Variants in C8orf88 observed in about 807,000 individuals in gnomAD.
C8orf88 encodes the protein uncharacterized protein C8orf88.
A neutral mutation model predicts 18.4 loss-of-function variants in C8orf88; 14 were observed. The observed-to-expected ratio is 0.76, with a 90% CI of 0.50 to 1.19. The LOEUF (loss-of-function observed/expected upper bound fraction) is 1.19, where lower values mean the gene tolerates loss of function less well. Ranked by LOEUF, C8orf88 falls within the 50% of genes most tolerant of loss-of-function variation. The pLI, the probability that C8orf88 is intolerant of heterozygous loss-of-function variation, is 0.00. For synonymous variants in C8orf88, 45 were observed against 42.9 expected (o/e 1.05, Z -0.19); for missense variants, 116 against 134.7 (o/e 0.86, Z 0.69).
chr8:90,961,671 C>T (rs1337387594), intron 4 of C8orf88, among the ~76,000 whole-genome samples: 2 of 150,980 alleles, frequency 1.3e-5, no homozygotes, highest in Admixed American at 1.3e-4. Context: ...AAATGAAGAG[C>T]AAAAGAGATG....
chr8:90,974,753 T>G (rs1179773525), intron 3 of C8orf88, among the ~76,000 whole-genome samples: 1 of 152,132 alleles, frequency 6.6e-6, no homozygotes, highest in Non-Finnish European at 1.5e-5. Flanking sequence ...AAATTCTTTC[T>G]TTTAGTTTTT....
At position 90,971,156 on chromosome 8, in the gene C8orf88, G is replaced by T; in HGVS notation, c.148-15C>A. On this transcript the variant is annotated splice_polypyrimidine_tract_variant and intron_variant, in intron 3 of 5. Transcript: ENST00000517562. Reference sequence around the variant, plus strand: ...TTCGTCTTACACTGTTAAACATGAAGAAAATAAACTTTTTAACTCAGGTTT... The same window carrying T: ...TTCGTCTTACACTGTTAAACATGAATAAAATAAACTTTTTAACTCAGGTTT... 7.0e-7 allele frequency: 1 copy of T among 1,420,294 alleles called. No individual in the cohort carries two copies. Among genetic ancestry groups the T allele is most frequent in the Non-Finnish European group, 9.2e-7 (1 of 1,081,552 alleles). The allele number at this position is 1,420,294 out of a possible 1,614,324, so 88.0% of individuals were successfully genotyped here. A position where few individuals can be genotyped will look rare whatever the true frequency, so the allele number is the denominator to read the frequency against.
intron 1 of C8orf88, among the ~76,000 whole-genome samples, chr8:90,981,915 A>T (rs117639030): frequency 7.1e-4 from 108 of 152,280 alleles, no homozygotes; most frequent in Non-Finnish European, 1.4e-3. Context: ...GCAAATCATA[A>T]GTCTAAGTGC....
intron 4 of C8orf88, among the ~76,000 whole-genome samples, chr8:90,969,625 T>A (rs73299915): frequency 6.6e-6 from 1 of 151,850 alleles, no homozygotes; most frequent in Non-Finnish European, 1.5e-5. Flanking sequence ...GTCTACTACA[T>A]GGCCTAAGCA....
At chr8:90,969,691 T>C (rs1489224538) in intron 4 of C8orf88, among the ~76,000 whole-genome samples, 3 of 151,914 alleles carry the variant, frequency 2.0e-5, no homozygotes, top group African/African-American at 7.2e-5. Flanking sequence ...TCTAGGGTGA[T>C]AAAAATGTTC....
intron 3 of C8orf88, among the ~76,000 whole-genome samples, chr8:90,975,342 ATCATAATAGT>A (rs1289059589): frequency 6.6e-6 from 1 of 152,172 alleles, no homozygotes; most frequent in African/African-American, 2.4e-5. Context: ...AAATCAACAG[ATCATAATAGT>A]TTTGAAATAA....
intron 2 of C8orf88, 35 bp downstream of exon 2, chr8:90,980,328 T>A: frequency 7.5e-7 from 1 of 1,340,312 alleles, no homozygotes; most frequent in Non-Finnish European, 1.0e-6. Context: ...CATTAACACA[T>A]TAATATTTAA....
intron 1 of C8orf88, among the ~76,000 whole-genome samples, chr8:90,984,649 G>C (rs1305711449): frequency 2.0e-5 from 3 of 152,096 alleles, no homozygotes; most frequent in Admixed American, 2.0e-4. Context: ...AGCTGTCCAG[G>C]TAATAGGTGT....
In C8orf88 at chr8:90,980,437, G is replaced by A. The variant is rs1318949694; in HGVS notation, c.-2C>T. 6.6e-7 allele frequency: 1 copy of A among 1,525,630 alleles called. No homozygotes were observed. Among genetic ancestry groups the A allele is most frequent in the East Asian group, 2.5e-5 (1 of 40,642 alleles). 94.5% of individuals were successfully genotyped at this position (1,525,630 alleles called of 1,614,324 possible). A position where few individuals can be genotyped will look rare whatever the true frequency, so the allele number is the denominator to read the frequency against. On this transcript the variant is annotated 5_prime_UTR_variant, in exon 2 of 6. Transcript: ENST00000517562. Reference sequence around the variant, plus strand: ...ACCAATTAATTTTTTGGTTTCCATTGTCACAAAGACTTTGAGGTTCCATAC... The same window carrying A: ...ACCAATTAATTTTTTGGTTTCCATTATCACAAAGACTTTGAGGTTCCATAC...
intron 5 of C8orf88, among the ~76,000 whole-genome samples, chr8:90,960,453 T>C (rs760824800): frequency 6.6e-6 from 1 of 151,390 alleles, no homozygotes; most frequent in Non-Finnish European, 1.5e-5. Context: ...TAATTCCAGG[T>C]GGACAATATA....
At chr8:90,973,575 T>C (rs1366145624) in intron 3 of C8orf88, among the ~76,000 whole-genome samples, 2 of 152,104 alleles carry the variant, frequency 1.3e-5, no homozygotes, top group Non-Finnish European at 2.9e-5. Context: ...CTTGAACTCC[T>C]GAACTCAAGT....
intron 1 of C8orf88, among the ~76,000 whole-genome samples, chr8:90,983,685 G>A (rs968944423): frequency 6.6e-6 from 1 of 151,790 alleles, no homozygotes; most frequent in Non-Finnish European, 1.5e-5. Flanking sequence ...ATATATGAAC[G>A]GTGGAAGAAA....
At chr8:90,967,258 G>T (rs749618205) in intron 4 of C8orf88, among the ~76,000 whole-genome samples, 1 of 151,784 alleles carries the variant, frequency 6.6e-6, no homozygotes, top group Non-Finnish European at 1.5e-5. Context: ...GCATTCTTGA[G>T]ATTAATCCCA....
rs1811115193 is a variant in C8orf88 at position 90,960,788 on chromosome 8, T to G, written c.284A>C (p.Lys95Thr). The G allele has an allele frequency of 1.3e-6, 2 of 1,531,550 alleles. No individual in the cohort carries two copies. The highest frequency in any genetic ancestry group is 1.4e-5 in the African/African-American group (1 of 72,768). The allele number at this position is 1,531,550 out of a possible 1,614,324, so 94.9% of individuals were successfully genotyped here. The change falls in exon 5 of 6, where the codon AAA (lysine) becomes ACA (threonine). Residue 95 changes from lysine to threonine, a missense_variant. Coordinates refer to ENST00000517562, the MANE Select transcript of C8orf88 (RefSeq NM_001190972.2). ...LKLSSVSICR[K>T]KPDFLPDHPI... ...ATGATCAGGCAGAAAGTCTGGTTTT[T>G]TTCTGCAGATGGAAACACTTGAGAG...
At chr8:90,980,304 A>T in intron 2 of C8orf88, 59 bp downstream of exon 2, 6 of 1,061,164 alleles carry the variant, frequency 5.7e-6, no homozygotes, top group Non-Finnish European at 7.7e-6. Flanking sequence ...TTAGCTTTTC[A>T]AATACTAATT....
chr8:90,970,813 T>A (rs1478513525), intron 4 of C8orf88, among the ~76,000 whole-genome samples: 1 of 152,048 alleles, frequency 6.6e-6, no homozygotes, highest in East Asian at 1.9e-4. Flanking sequence ...CAGGGCAAGA[T>A]CATTACAACA....
chr8:90,978,534 T>C lies in C8orf88; in HGVS notation c.147+45A>G, dbSNP rs1586165784. The C allele has an allele frequency of 4.8e-6, 6 of 1,252,868 alleles. No individual in the cohort carries two copies. The South Asian group carries it at 7.3e-5, about 15-fold the overall frequency. 77.6% of individuals were successfully genotyped at this position (1,252,868 alleles called of 1,614,324 possible). A position where few individuals can be genotyped will look rare whatever the true frequency, so the allele number is the denominator to read the frequency against. ...CAATAGCCATCTAACACATGTTACTTTCCAATCTATAATATTTCCTTCTGT... is the reference window on the plus strand; with the variant it reads ...CAATAGCCATCTAACACATGTTACTCTCCAATCTATAATATTTCCTTCTGT... On this transcript the variant is annotated intron_variant, in intron 3 of 5. Coordinates refer to ENST00000517562, the MANE Select transcript of C8orf88 (RefSeq NM_001190972.2).
At chr8:90,969,362 C>T (rs531467206) in intron 4 of C8orf88, among the ~76,000 whole-genome samples, 1 of 151,816 alleles carries the variant, frequency 6.6e-6, no homozygotes, top group South Asian at 2.1e-4. Flanking sequence ...AGAAGCCAGA[C>T]ACAAAAGGTC....
chr8:90,972,409 C>A (rs191869099), intron 3 of C8orf88, among the ~76,000 whole-genome samples: 2 of 148,990 alleles, frequency 1.3e-5, no homozygotes, highest in Admixed American at 6.7e-5. Context: ...AAATGGTATT[C>A]TAAAAATTAA....
Sources: allele counts gnomAD v4.1 joint callset (sites outside exome capture counted in the v4.1 genomes callset), GRCh38; gene constraint gnomAD v4.1.1; transcripts MANE v1.5; gene names NCBI Gene and HGNC (gene_info 2026-07-23, HGNC 2026-07-21).